MYBBP1A: variants seen among roughly 807,000 people sequenced by gnomAD.
MYBBP1A encodes myb-binding protein 1A.
A neutral mutation model predicts 136.3 loss-of-function variants in MYBBP1A; 147 were observed. The ratio of observed to expected loss-of-function variants is 1.08; its 90% CI spans 0.94 to 1.24. The LOEUF (loss-of-function observed/expected upper bound fraction) is 1.24. Among genes scored for constraint, MYBBP1A ranks in the 50% most tolerant of loss-of-function variants. The probability of loss-of-function intolerance (pLI) is 0.00; values close to 1 mark genes in which losing one functional copy is unlikely to be tolerated. For synonymous variants in MYBBP1A, 947 were observed against 735.8 expected (o/e 1.29, Z -4.65); for missense variants, 2,060 against 1,727.4 (o/e 1.19, Z -3.41).
intron 5 of MYBBP1A, among the ~76,000 whole-genome samples, chr17:4,553,310 T>C (rs577083226): frequency 6.6e-6 from 1 of 152,292 alleles, no homozygotes; most frequent in African/African-American, 2.4e-5. Flanking sequence ...CAAAAGGGCC[T>C]AGGGTGCTAC....
At position 4,541,542 on chromosome 17, in the gene MYBBP1A, G is replaced by A. The variant is rs773128498; in HGVS notation, c.3218C>T (p.Ala1073Val). ...VTENLRVLGE[A>V]QTKAQHQQAL... ...CTGCTGATGCTGCGCCTTGGTCTGC[G>A]CCTCCCCCAGCACGCGCAAGTTCTA... is the stretch of plus-strand genomic sequence containing the variant. The change falls in exon 24 of 26, where the codon GCG becomes GTG. Residue 1073 changes from alanine (A) to valine (V), a missense_variant. Transcript: ENST00000254718. The A allele has an allele frequency of 6.8e-6, 11 of 1,612,952 alleles. No individual in the cohort carries two copies. In the East Asian group the frequency reaches 8.9e-5, roughly 13 times the overall value.
In MYBBP1A at chr17:4,552,405, A is replaced by T; in HGVS notation, c.737+46T>A. On this transcript the variant is annotated intron_variant, in intron 6 of 25. Coordinates refer to ENST00000254718, the MANE Select transcript of MYBBP1A (RefSeq NM_014520.4). This position sits in a 1 kb window ranked among gnomAD's most constrained non-coding sequence, Gnocchi z 4.7. ...GACAAATCTGGGCCTGGCCAGATGC[A>T]GTCCCTTGGCCCCAGGGAGGGCAAA... 1 of 1,605,256 alleles carries T rather than the reference A, an allele frequency of 6.2e-7. No homozygotes were observed. Among genetic ancestry groups the T allele is most frequent in the South Asian group, 1.1e-5 (1 of 90,624 alleles).
In MYBBP1A at chr17:4,542,532, C is replaced by G. The variant is rs1298892787; in HGVS notation, c.3019G>C (p.Val1007Leu). 3.7e-6 allele frequency: 6 copies of G among 1,612,172 alleles called. No individual in the cohort carries two copies. The highest frequency in any genetic ancestry group is 5.1e-6 in the Non-Finnish European group (6 of 1,178,888). The change falls in exon 22 of 26, where the codon GTG becomes CTG. Residue 1007 changes from valine (V) to leucine (L), a missense_variant and splice_region_variant. By Grantham distance (32) the Val-to-Leu change is conservative. Transcript: ENST00000254718. The part of the protein sequence containing the change: ...MFLSLFSRHP[V>L]LCQSLLPILV... ...ATGGGGAGCAGGCTCTGACAGAGCA[C>G]CTGGTGGGGAGTGACAAGGGCTGTG...
rs377428240 is a variant in MYBBP1A, at chr17:4,539,140, CCAGG to C, written c.*271_*274del. On this transcript the variant is annotated 3_prime_UTR_variant, in exon 26 of 26. Transcript: ENST00000254718. ...AGCCAGCACATCAACCTGCACCAAC[CCAGG>C]CAAACACCAGAGCCCTGGACATGGC... The C allele has an allele frequency of 6.7e-7, 1 of 1,484,308 alleles. No homozygotes were observed. Among genetic ancestry groups the C allele is most frequent in the African/African-American group, 1.4e-5 (1 of 70,808 alleles). 91.9% of individuals were successfully genotyped at this position (1,484,308 alleles called of 1,614,324 possible). A position where few individuals can be genotyped will look rare whatever the true frequency, so the allele number is the denominator to read the frequency against.
chr17:4,544,705 GGCGCA>G, intron 18 of MYBBP1A, 41 bp downstream of exon 18: 3 of 1,496,838 alleles, frequency 2.0e-6, no homozygotes, highest in Non-Finnish European at 2.7e-6. Flanking sequence ...GGCGGGGGTG[GGCGCA>G]CAGGGAGGCG....
In MYBBP1A at chr17:4,545,827, C is replaced by T; in HGVS notation, c.1921+19G>A. 6 of 1,612,198 alleles carry T rather than the reference C, an allele frequency of 3.7e-6. No homozygotes were observed. Among genetic ancestry groups the T allele is most frequent in the South Asian group, 1.1e-5 (1 of 90,796 alleles). On this transcript the variant is annotated intron_variant, in intron 14 of 25. Transcript: ENST00000254718. ...GCCCCACCCCACCACTCTAGTCCCT[C>T]TCGTGACCAAGGACCCACCGATGGT...
chr17:4,542,972 C>T lies in MYBBP1A; in HGVS notation c.2833G>A (p.Glu945Lys). 6.2e-7 allele frequency: 1 copy of T among 1,614,082 alleles called. No homozygotes were observed. Among genetic ancestry groups the T allele is most frequent in the Non-Finnish European group, 8.5e-7 (1 of 1,180,004 alleles). ...CCAGCTTTCTGCTTCTCCTGTGTCTCATGCACGCAGCCCTCAGCAGTGTTG... is the reference window on the plus strand; with the variant it reads ...CCAGCTTTCTGCTTCTCCTGTGTCTTATGCACGCAGCCCTCAGCAGTGTTG... ...KGNTAEGCVH[E>K]TQEKQKAGTD... The change falls in exon 20 of 26, where the codon GAG becomes AAG. Residue 945 changes from glutamate to lysine, a missense_variant. Transcript: ENST00000254718.
At chr17:4,543,884 C>A (rs1193322051) in intron 19 of MYBBP1A, among the ~76,000 whole-genome samples, 1 of 148,042 alleles carries the variant, frequency 6.8e-6, no homozygotes, top group Non-Finnish European at 1.5e-5. Flanking sequence ...CAGACTCAGA[C>A]CCTTCCCCAC....
rs1907601679 is a variant in MYBBP1A, at chr17:4,552,384, A to C, written c.737+67T>G. 5 of 1,602,840 alleles carry C rather than the reference A, an allele frequency of 3.1e-6. No homozygotes were observed. The Middle Eastern group carries it at 5.9e-4, about 190-fold the overall frequency. On this transcript the variant is annotated intron_variant, in intron 6 of 25. Transcript: ENST00000254718. This position sits in a 1 kb window ranked among gnomAD's most constrained non-coding sequence, Gnocchi z 4.7. ...CGGGACACCCCCAGGCCAAACGACA[A>C]ATCTGGGCCTGGCCAGATGCAGTCC...
chr17:4,543,436 G>C lies in MYBBP1A; in HGVS notation c.2640-271C>G, dbSNP rs1042013591. ...ACCAAGGGCCAACTGCCTGCCTGGG[G>C]CACCCCTCCTGTCTACACTTGTCTC... On this transcript the variant is annotated intron_variant, in intron 19 of 25. Transcript: ENST00000254718. 1.5e-5 allele frequency: 8 copies of C among 519,996 alleles called. No homozygotes were observed. In the Admixed American group the frequency reaches 2.7e-4, roughly 17 times the overall value. 32.2% of individuals were successfully genotyped at this position (519,996 alleles called of 1,614,324 possible).
In MYBBP1A at chr17:4,539,245, A is replaced by AG. The variant is rs1420893031; in HGVS notation, c.*169dup. The stretch of plus-strand genomic sequence containing the variant: ...CCTGGGACCCCTGCAGGAATGGCTC[A>AG]GGCTGTGCTTGCCAGAGCAGGATGC... On this transcript the variant is annotated 3_prime_UTR_variant, in exon 26 of 26. Coordinates refer to ENST00000254718, the MANE Select transcript of MYBBP1A (RefSeq NM_014520.4). 10 of 1,481,290 alleles carry AG rather than the reference A, an allele frequency of 6.8e-6. No homozygotes were observed. Among genetic ancestry groups the AG allele is most frequent in the Non-Finnish European group, 8.0e-6 (9 of 1,127,742 alleles). 91.8% of individuals were successfully genotyped at this position (1,481,290 alleles called of 1,614,324 possible).
At chr17:4,550,729 G>T (rs983260802) in intron 8 of MYBBP1A, among the ~76,000 whole-genome samples, 1 of 152,264 alleles carries the variant, frequency 6.6e-6, no homozygotes, top group African/African-American at 2.4e-5. Flanking sequence ...GTTAGGAGGC[G>T]AGACTGACCT....
chr17:4,538,986 A>T lies in MYBBP1A; in HGVS notation c.*429T>A. On this transcript the variant is annotated 3_prime_UTR_variant, in exon 26 of 26. Coordinates refer to ENST00000254718, the MANE Select transcript of MYBBP1A (RefSeq NM_014520.4). The stretch of plus-strand genomic sequence containing the variant: ...TGTGAATCTCAGAGTCTTAAGAGAG[A>T]AGCCAAATATATTCCTCTTGTAAAT... 1.2e-6 allele frequency: 1 copy of T among 801,578 alleles called. No individual in the cohort carries two copies. The highest frequency in any genetic ancestry group is 2.3e-6 in the Non-Finnish European group (1 of 436,934). 49.7% of individuals were successfully genotyped at this position (801,578 alleles called of 1,614,324 possible). A position where few individuals can be genotyped will look rare whatever the true frequency, so the allele number is the denominator to read the frequency against.
intron 20 of MYBBP1A, 81 bp downstream of exon 20, chr17:4,542,832 G>A: frequency 3.1e-6 from 5 of 1,602,860 alleles, no homozygotes; most frequent in South Asian, 1.1e-5. Context: ...GAAGGCTGAG[G>A]GTTGGGCCCT....
intron 24 of MYBBP1A, 119 bp from the exon 25 acceptor site, chr17:4,540,603 G>A: frequency 8.1e-7 from 1 of 1,230,126 alleles, no homozygotes. Flanking sequence ...CCCTTCCTGG[G>A]CCTCAGCCTC....
chr17:4,550,964 A>G (rs1196929587), intron 8 of MYBBP1A, among the ~76,000 whole-genome samples: 5 of 152,244 alleles, frequency 3.3e-5, no homozygotes, highest in Non-Finnish European at 5.9e-5. Flanking sequence ...AGAGGCTCCC[A>G]GTGGGATAGT....
At chr17:4,544,273 T>A (rs907025319) in intron 19 of MYBBP1A, among the ~76,000 whole-genome samples, 6 of 152,142 alleles carry the variant, frequency 3.9e-5, no homozygotes, top group African/African-American at 1.4e-4. Context: ...AGGGCACTGT[T>A]GGCACTGTGT....
rs774539167 is a variant in MYBBP1A, at chr17:4,538,962, G to A, written c.*453C>T. On this transcript the variant is annotated 3_prime_UTR_variant, in exon 26 of 26. Transcript: ENST00000254718. ...CCTTTATTTTTTAGAGCTGCTGATT[G>A]TGAATCTCAGAGTCTTAAGAGAGAA... 3.8e-6 allele frequency: 3 copies of A among 787,674 alleles called. No homozygotes were observed. Among genetic ancestry groups the A allele is most frequent in the East Asian group, 2.4e-5 (1 of 41,286 alleles). The allele number at this position is 787,674 out of a possible 1,614,324, so 48.8% of individuals were successfully genotyped here. A position where few individuals can be genotyped will look rare whatever the true frequency, so the allele number is the denominator to read the frequency against.
chr17:4,553,478 G>T (rs1033873259), intron 5 of MYBBP1A, among the ~76,000 whole-genome samples: 2 of 152,242 alleles, frequency 1.3e-5, no homozygotes, highest in African/African-American at 4.8e-5. Flanking sequence ...GCGCCTGAAA[G>T]GTGGCTAATC....
Sources: gnomAD v4.1 joint callset for allele counts (sites outside exome capture counted in the v4.1 genomes callset) on GRCh38, gnomAD v4.1.1 for gene constraint, Gnocchi (gnomAD v3.1) non-coding constraint, MANE v1.5 for transcripts, NCBI Gene and HGNC (gene_info 2026-07-23, HGNC 2026-07-21) for gene names.